The following ANKRD42 variants were observed in gnomAD, a reference collection of about 807,000 sequenced individuals.
The protein encoded by ANKRD42 is ankyrin repeat domain 42, also known as ankyrin repeat domain-containing protein 42.
In ANKRD42, 43 loss-of-function variants were observed where a neutral mutation model predicts 51.5. The observed-to-expected ratio is 0.83, with a 90% CI of 0.65 to 1.08. The LOEUF (loss-of-function observed/expected upper bound fraction) is 1.08, where lower values mean the gene tolerates loss of function less well. Ranked by LOEUF, ANKRD42 falls within the 50% of genes least tolerant of loss-of-function variation. The probability of loss-of-function intolerance (pLI) is 0.00; values close to 1 mark genes in which losing one functional copy is unlikely to be tolerated. For missense variants in ANKRD42, 608 were observed against 629.3 expected (o/e 0.97, Z 0.36); for synonymous variants, 203 against 213.0 (o/e 0.95, Z 0.41).
intron 9 of ANKRD42, among the ~76,000 whole-genome samples, chr11:83,244,464 C>G (rs941261365): frequency 2.6e-5 from 4 of 152,176 alleles, no homozygotes; most frequent in Non-Finnish European, 4.4e-5. Flanking sequence ...TAAGCTGGTC[C>G]TGTAAAGCAG....
At chr11:83,250,944 C>G (rs936306756), downstream of ANKRD42, among the ~76,000 whole-genome samples, 7 of 152,038 alleles carry the variant, frequency 4.6e-5, no homozygotes, top group Admixed American at 4.6e-4. Flanking sequence ...TTACTCCTTC[C>G]CTATCCAAAT....
intron 5 of ANKRD42, chr11:83,213,165 G>C: frequency 6.2e-7 from 1 of 1,601,766 alleles, no homozygotes; most frequent in South Asian, 1.1e-5. Context: ...GACCAATCTT[G>C]ATGCCCAACA....
At chr11:83,206,257 TTA>T in intron 3 of ANKRD42, 92 bp downstream of exon 3, 1 of 1,078,328 alleles carries the variant, frequency 9.3e-7, no homozygotes, top group South Asian at 1.6e-5. Context: ...CTCAATAGAT[TTA>T]GTTTTATGTT....
chr11:83,195,826 A>G (rs931149224), intron 1 of ANKRD42, among the ~76,000 whole-genome samples: 3 of 146,058 alleles, frequency 2.1e-5, no homozygotes, highest in Non-Finnish European at 3.0e-5. Flanking sequence ...TACATGATCT[A>G]CCTACTCTCT....
chr11:83,200,109 G>T (rs1019800476), intron 2 of ANKRD42, among the ~76,000 whole-genome samples: 11 of 151,928 alleles, frequency 7.2e-5, no homozygotes, highest in Admixed American at 2.0e-4. Context: ...GGTGATTTTG[G>T]AGAGAAGGGG....
intron 2 of ANKRD42, 86 bp downstream of exon 2, chr11:83,198,728 G>A: frequency 8.1e-7 from 1 of 1,241,324 alleles, no homozygotes; most frequent in Middle Eastern, 2.1e-4. Flanking sequence ...GAGACCTTAT[G>A]GTAGGTACTG....
chr11:83,255,768 TGAAC>T, intron 11 of ANKRD42: 2 of 1,131,206 alleles, frequency 1.8e-6, no homozygotes, highest in Non-Finnish European at 2.4e-6. Context: ...TTTTTTCTTT[TGAAC>T]AGGCAATGTA....
At chr11:83,229,442 A>G (rs1863000017) in intron 7 of ANKRD42, among the ~76,000 whole-genome samples, 1 of 152,042 alleles carries the variant, frequency 6.6e-6, no homozygotes. Flanking sequence ...TTTATTGCTA[A>G]TGCGCGTGTG....
rs145382875 is a variant in ANKRD42 at position 83,208,280 on chromosome 11, C to A, written c.331-2020C>A. On this transcript the variant is annotated intron_variant, in intron 3 of 10. Coordinates refer to ENST00000533342, the MANE Select transcript of ANKRD42 (RefSeq NM_001300975.2). Reference sequence around the variant, plus strand: ...CTCCTGGGCTCAAGTGGTCCTCCTGCCTTGGCCTCCCAAAATGCTGGGATT... The same window carrying A: ...CTCCTGGGCTCAAGTGGTCCTCCTGACTTGGCCTCCCAAAATGCTGGGATT... Among the ~76,000 whole-genome samples, 44 of 152,202 alleles carry A rather than the reference C, an allele frequency of 2.9e-4. No individual in the cohort carries two copies. The East Asian group carries it at 7.5e-3, about 26-fold the overall frequency.
intron 5 of ANKRD42, among the ~76,000 whole-genome samples, chr11:83,221,711 A>G (rs1862722566): frequency 6.6e-6 from 1 of 152,160 alleles, no homozygotes; most frequent in African/African-American, 2.4e-5. Context: ...TTTCAGCAGT[A>G]TGGGAATGCT....
In ANKRD42 at chr11:83,240,939, G is replaced by A. The variant is rs764461562; in HGVS notation, c.1195+5G>A. On this transcript the variant is annotated splice_donor_5th_base_variant and intron_variant, in intron 9 of 10. Coordinates refer to ENST00000533342, the MANE Select transcript of ANKRD42 (RefSeq NM_001300975.2). ...TGGATAAAACAGATGCCAGAAGTAAGTATGCTGCCTCTGTTGTGATTTATC... is the reference window on the plus strand; with the variant it reads ...TGGATAAAACAGATGCCAGAAGTAAATATGCTGCCTCTGTTGTGATTTATC... The A allele has an allele frequency of 1.2e-6, 2 of 1,608,490 alleles. No homozygotes were observed. The highest frequency in any genetic ancestry group is 1.7e-6 in the Non-Finnish European group (2 of 1,177,222).
At chr11:83,227,721 G>T in intron 6 of ANKRD42, 26 bp from the exon 7 acceptor site, 1 of 1,592,904 alleles carries the variant, frequency 6.3e-7, no homozygotes, top group South Asian at 1.1e-5. Context: ...TATGTTTATT[G>T]AAATGCTGAA....
chr11:83,197,142 TA>T (rs142139346), intron 1 of ANKRD42, among the ~76,000 whole-genome samples: 6,253 of 152,278 alleles, frequency 0.041, 418 homozygotes, highest in African/African-American at 0.14. Context: ...CCATTTGCCA[TA>T]TATCTTAATT....
chr11:83,210,134 G>A (rs1011437512), intron 3 of ANKRD42, 166 bp from the exon 4 acceptor site: 18 of 567,314 alleles, frequency 3.2e-5, no homozygotes, highest in East Asian at 3.2e-5. Flanking sequence ...CATTTTCTTA[G>A]CATTAGCTGA....
At chr11:83,231,443 T>C (rs990236483) in intron 7 of ANKRD42, among the ~76,000 whole-genome samples, 6 of 152,194 alleles carry the variant, frequency 3.9e-5, no homozygotes, top group Admixed American at 3.3e-4. Context: ...GAGTTTCTTA[T>C]GTATTTTGGT....
chr11:83,235,156 G>T (rs1159712581), intron 7 of ANKRD42, among the ~76,000 whole-genome samples: 1 of 152,120 alleles, frequency 6.6e-6, no homozygotes, highest in Non-Finnish European at 1.5e-5. Flanking sequence ...TACCATAAAA[G>T]AACTAGAGAT....
chr11:83,238,880 C>T (rs1269901003), intron 8 of ANKRD42, among the ~76,000 whole-genome samples: 1 of 151,334 alleles, frequency 6.6e-6, no homozygotes, highest in Non-Finnish European at 1.5e-5. Context: ...GTGGCGTGCA[C>T]CTGTAGTCCC....
chr11:83,220,096 C>A (rs1862670596), intron 5 of ANKRD42, among the ~76,000 whole-genome samples: 4 of 152,176 alleles, frequency 2.6e-5, no homozygotes, highest in African/African-American at 9.7e-5. Flanking sequence ...GCAGGGGGAG[C>A]CTCTGGTGGG....
intron 2 of ANKRD42, among the ~76,000 whole-genome samples, chr11:83,205,239 A>G (rs1050028322): frequency 1.3e-5 from 2 of 152,270 alleles, no homozygotes; most frequent in South Asian, 2.1e-4. Context: ...AACAATGCAC[A>G]TAATAGTCTT....
Sources: allele counts gnomAD v4.1 joint callset (sites outside exome capture counted in the v4.1 genomes callset), GRCh38; gene constraint gnomAD v4.1.1; transcripts MANE v1.5; gene names NCBI Gene and HGNC (gene_info 2026-07-23, HGNC 2026-07-21).